The following SNTG2 variants were observed in gnomAD, a reference collection of about 807,000 sequenced individuals.
The protein encoded by SNTG2 is syntrophin gamma 2.
A neutral mutation model predicts 70.9 loss-of-function variants in SNTG2; 74 were observed. That is an observed-to-expected ratio of 1.04 (90% confidence interval 0.86 to 1.27). The LOEUF (loss-of-function observed/expected upper bound fraction) is 1.27, where lower values mean the gene tolerates loss of function less well. SNTG2 is among the 50% of genes most tolerant of loss of function. SNTG2 has a pLI of 0.00. For missense variants in SNTG2, 717 were observed against 690.7 expected (o/e 1.04, Z -0.43); for synonymous variants, 278 against 273.8 (o/e 1.02, Z -0.15).
At chr2:1,069,935 C>CA (rs913932882) in intron 1 of SNTG2, among the ~76,000 whole-genome samples, 1 of 152,188 alleles carries the variant, frequency 6.6e-6, no homozygotes, top group Non-Finnish European at 1.5e-5. Context: ...GCCCACTCCT[C>CA]ACCGCCTAGG....
At chr2:1,104,718 G>C (rs150523029) in intron 4 of SNTG2, among the ~76,000 whole-genome samples, 129 of 152,320 alleles carry the variant, frequency 8.5e-4, no homozygotes, top group African/African-American at 3.0e-3. Context: ...CGTGTGTGCT[G>C]TGAAATCCTC....
At chr2:1,236,047 A>G (rs28513154) in intron 9 of SNTG2, among the ~76,000 whole-genome samples, 33,420 of 152,110 alleles carry the variant, frequency 0.22, 5,827 homozygotes, top group African/African-American at 0.48. Context: ...GTCGTCCGCA[A>G]TAATCTACTT....
intron 7 of SNTG2, among the ~76,000 whole-genome samples, chr2:1,171,522 G>T (rs993584118): frequency 6.6e-6 from 1 of 152,176 alleles, no homozygotes; most frequent in African/African-American, 2.4e-5. Flanking sequence ...GCTTCTGAAC[G>T]CTAAAGGGCA....
In SNTG2 at chr2:1,363,666, A is replaced by G. The variant is rs570824478; in HGVS notation, c.1489-3677A>G. Among the ~76,000 whole-genome samples, 240 of 152,338 alleles carry G rather than the reference A, an allele frequency of 1.6e-3. 6 individuals carry two copies. The highest frequency in any genetic ancestry group is 1.9e-3 in the Non-Finnish European group (129 of 68,036). On this transcript the variant is annotated intron_variant, in intron 16 of 16. Coordinates refer to ENST00000308624, the MANE Select transcript of SNTG2 (RefSeq NM_018968.4). ...TCAACACAAGTATTTTGTTCAAACA[A>G]AATGTCAAAATGTGATTTCAATCAG...
At chr2:1,027,888 T>G (rs1391106836) in intron 1 of SNTG2, among the ~76,000 whole-genome samples, 1 of 142,192 alleles carries the variant, frequency 7.0e-6, no homozygotes, top group Non-Finnish European at 1.5e-5. Context: ...GCATCTCTGT[T>G]GAGTAAAGAG....
chr2:1,137,126 C>A (rs1159216249), intron 4 of SNTG2, among the ~76,000 whole-genome samples: 2 of 152,168 alleles, frequency 1.3e-5, no homozygotes, highest in East Asian at 3.9e-4. Flanking sequence ...ATGAAGAGGC[C>A]AATCTAGCTT....
At chr2:1,123,305 A>G (rs1667497548) in intron 4 of SNTG2, among the ~76,000 whole-genome samples, 1 of 152,240 alleles carries the variant, frequency 6.6e-6, no homozygotes, top group Non-Finnish European at 1.5e-5. Flanking sequence ...TTTCTGATTT[A>G]GATTATATTA....
intron 1 of SNTG2, among the ~76,000 whole-genome samples, chr2:952,768 C>G (rs73908610): frequency 0.039 from 5,990 of 152,186 alleles, 383 homozygotes; most frequent in African/African-American, 0.14. Context: ...CTAAGCCTAC[C>G]TTAGACACCA....
chr2:1,297,292 A>G (rs1038268027), intron 14 of SNTG2, among the ~76,000 whole-genome samples: 2 of 152,246 alleles, frequency 1.3e-5, no homozygotes, highest in African/African-American at 4.8e-5. Flanking sequence ...ACTTCAGTGC[A>G]TGCAGTACAC....
intron 16 of SNTG2, among the ~76,000 whole-genome samples, chr2:1,325,713 G>T (rs1572985511): frequency 6.6e-6 from 1 of 152,272 alleles, no homozygotes; most frequent in Non-Finnish European, 1.5e-5. Context: ...ATTGCCTGTG[G>T]GTGACAAAAG....
At chr2:1,080,516 G>T (rs540140493) in intron 1 of SNTG2, among the ~76,000 whole-genome samples, 1 of 152,056 alleles carries the variant, frequency 6.6e-6, no homozygotes, top group South Asian at 2.1e-4. Context: ...GTGTGTGTCT[G>T]TGTGCCCGTG....
chr2:1,219,415 A>C (rs2148018529), intron 9 of SNTG2, among the ~76,000 whole-genome samples: 1 of 152,320 alleles, frequency 6.6e-6, no homozygotes, highest in Middle Eastern at 3.4e-3. Context: ...GAATGACTGA[A>C]CAGAAGGCAG....
At chr2:1,249,652 T>G (rs1178180141) in intron 12 of SNTG2, among the ~76,000 whole-genome samples, 1 of 152,240 alleles carries the variant, frequency 6.6e-6, no homozygotes, top group East Asian at 1.9e-4. Context: ...ATAAGCAACT[T>G]TCCTTCAGTA....
At chr2:1,329,744 C>T (rs187624734) in intron 16 of SNTG2, among the ~76,000 whole-genome samples, 1 of 152,282 alleles carries the variant, frequency 6.6e-6, no homozygotes, top group African/African-American at 2.4e-5. Flanking sequence ...TTAATGAGTG[C>T]TGTACGCATC....
At chr2:986,067 TAGAGAGAGAGAGAGAGAGAGAG>T (rs10633277) in intron 1 of SNTG2, among the ~76,000 whole-genome samples, 1 of 129,718 alleles carries the variant, frequency 7.7e-6, no homozygotes, top group African/African-American at 2.9e-5. Flanking sequence ...CTGCAAATAA[TAGAGAGAGAGAGAGAGAGAGAG>T]AGAGAGAGAG....
At chr2:1,137,740 CA>C (rs1558444145) in intron 5 of SNTG2, 27 bp from the exon 6 acceptor site, 3 of 1,613,638 alleles carry the variant, frequency 1.9e-6, no homozygotes, top group South Asian at 2.2e-5. Flanking sequence ...TCGTTATTCT[CA>C]ACATTCTTAC....
intron 6 of SNTG2, among the ~76,000 whole-genome samples, chr2:1,150,686 C>A (rs764916727): frequency 7.0e-6 from 1 of 143,150 alleles, no homozygotes; most frequent in Non-Finnish European, 1.5e-5. Context: ...GATGGAAGTA[C>A]GACCCACTCA....
chr2:1,003,101 G>A (rs915067788), intron 1 of SNTG2, among the ~76,000 whole-genome samples: 1 of 152,092 alleles, frequency 6.6e-6, no homozygotes, highest in Non-Finnish European at 1.5e-5. Context: ...CTCAGAAAGT[G>A]GGGAGGGTGG....
At chr2:1,151,623 A>G (rs1182063159) in intron 6 of SNTG2, among the ~76,000 whole-genome samples, 4 of 152,036 alleles carry the variant, frequency 2.6e-5, no homozygotes, top group Non-Finnish European at 5.9e-5. Context: ...TTTCCTGTTC[A>G]TATTTAGATT....
Sources: gnomAD v4.1 joint callset for allele counts (sites outside exome capture counted in the v4.1 genomes callset) on GRCh38, gnomAD v4.1.1 for gene constraint, MANE v1.5 for transcripts, NCBI Gene and HGNC (gene_info 2026-07-23, HGNC 2026-07-21) for gene names.